The following PLEKHA8 variants were observed in gnomAD, a reference collection of about 807,000 sequenced individuals.
PLEKHA8 encodes pleckstrin homology domain-containing family A member 8.
In PLEKHA8, 36 loss-of-function variants were observed where a neutral mutation model predicts 68.2. The ratio of observed to expected loss-of-function variants is 0.53; its 90% confidence interval spans 0.40 to 0.70. The LOEUF (loss-of-function observed/expected upper bound fraction) is 0.70. PLEKHA8 is among the 30% of genes least tolerant of loss of function. The probability of loss-of-function intolerance (pLI) is 0.00; values close to 1 mark genes in which losing one functional copy is unlikely to be tolerated. For missense variants in PLEKHA8, 505 were observed against 615.4 expected, an observed-to-expected ratio of 0.82 and a Z score of 1.90; for synonymous variants, 211 against 216.1, an observed-to-expected ratio of 0.98 and a Z score of 0.20.
chr7:30,090,061 G>A lies in PLEKHA8; in HGVS notation c.1301-92G>A, dbSNP rs183845157. The A allele has an allele frequency of 7.0e-5, 92 of 1,308,414 alleles. No homozygotes were observed. In the East Asian group the frequency reaches 1.8e-3, roughly 26 times the overall value. 81.1% of individuals were successfully genotyped at this position (1,308,414 alleles called of 1,614,324 possible). On this transcript the variant is annotated intron_variant, in intron 12 of 12. Transcript: ENST00000258679. ...ATAATTGGTGACCAAAAATAAAAAG[G>A]AACTAAAAAAGTATCTGGAGATAAA... is the stretch of plus-strand genomic sequence containing the variant.
In PLEKHA8 at chr7:30,072,587, G is replaced by A. The variant is rs138804658; in HGVS notation, c.1301-1484G>A. On this transcript the variant is annotated intron_variant, in intron 12 of 13. Transcript: ENST00000449726. ...ACCTGACTTCCCTTGGCAATGTCCT[G>A]TGAACCACGTTGCTTTTCACTGCAT... is the stretch of plus-strand genomic sequence containing the variant. Among the ~76,000 whole-genome samples, 322 of 152,356 alleles carry A rather than the reference G, an allele frequency of 2.1e-3. 4 individuals carry two copies. Among genetic ancestry groups the A allele is most frequent in the Non-Finnish European group, 3.6e-3 (247 of 68,030 alleles).
rs13310981 is a variant in PLEKHA8 at position 30,115,481 on chromosome 7, C to T, written c.1363-13785C>T. Among the ~76,000 whole-genome samples, 442 of 151,536 alleles carry T rather than the reference C, an allele frequency of 2.9e-3. 2 individuals are homozygous for T. The highest frequency in any genetic ancestry group is 0.01 in the African/African-American group (431 of 41,250). ...ATGCATATGTATACACACATGTATACGTGTATGTAGACATATGTATACATA... is the reference window on the plus strand; with the variant it reads ...ATGCATATGTATACACACATGTATATGTGTATGTAGACATATGTATACATA... On this transcript the variant is annotated intron_variant, in intron 13 of 13. Transcript: ENST00000396257.
Position 30,028,448 on chromosome 7 carries a change from T to G in PLEKHA8, c.-315T>G. ...GCGCCGCCTGCGACCGGCAGCTCGTTCGCCGCACTTTGGAGGCTTCGGCTG... is the reference window on the plus strand; with the variant it reads ...GCGCCGCCTGCGACCGGCAGCTCGTGCGCCGCACTTTGGAGGCTTCGGCTG... On this transcript the variant is annotated 5_prime_UTR_variant, in exon 1 of 14. Transcript: ENST00000449726. 1 of 294,652 alleles carries G rather than the reference T, an allele frequency of 3.4e-6. No homozygotes were observed. The allele number at this position is 294,652 out of a possible 1,614,324, so 18.3% of individuals were successfully genotyped here.
chr7:30,049,689 C>T (rs1212403865), intron 5 of PLEKHA8, among the ~76,000 whole-genome samples: 14 of 152,166 alleles, frequency 9.2e-5, no homozygotes, highest in Non-Finnish European at 1.5e-5. Flanking sequence ...TCCAGTCAAC[C>T]ACATTTCTAT....
intron 13 of PLEKHA8, among the ~76,000 whole-genome samples, chr7:30,111,538 T>G (rs1796275140): frequency 6.6e-6 from 1 of 152,182 alleles, no homozygotes. Context: ...TCTGTCTTAT[T>G]TTTTAATTTT....
chr7:30,088,282 A>G (rs1040040260), downstream of PLEKHA8, among the ~76,000 whole-genome samples: 5 of 152,178 alleles, frequency 3.3e-5, no homozygotes, highest in African/African-American at 1.2e-4. Context: ...ATAGGTGCTT[A>G]TATATATCAA....
intron 1 of PLEKHA8, among the ~76,000 whole-genome samples, chr7:30,029,106 C>G (rs1248494836): frequency 1.3e-5 from 2 of 152,200 alleles, no homozygotes; most frequent in African/African-American, 4.8e-5. Context: ...GAGGAAGGCG[C>G]AGACGCCCCG....
In PLEKHA8 at chr7:30,061,881, C is replaced by T. The variant is rs994879142; in HGVS notation, c.1099-16C>T. 6.2e-7 allele frequency: 1 copy of T among 1,612,952 alleles called. No homozygotes were observed. Among genetic ancestry groups the T allele is most frequent in the Non-Finnish European group, 8.5e-7 (1 of 1,179,830 alleles). On this transcript the variant is annotated splice_polypyrimidine_tract_variant and intron_variant, in intron 10 of 13. Coordinates refer to ENST00000449726, the MANE Select transcript of PLEKHA8 (RefSeq NM_001197026.2). ...CAGCATTTTAAACTTAGGTTGTTTC[C>T]CTGCTTTCCCTCCAGAAAGTAAATC...
At chr7:30,111,863 T>A (rs1043809617) in intron 13 of PLEKHA8, among the ~76,000 whole-genome samples, 3 of 152,128 alleles carry the variant, frequency 2.0e-5, no homozygotes, top group Non-Finnish European at 4.4e-5. Context: ...GTATATATAT[T>A]TTTTAAATCC....
At chr7:30,125,690 T>G (rs1413163401) in intron 13 of PLEKHA8, among the ~76,000 whole-genome samples, 1 of 152,240 alleles carries the variant, frequency 6.6e-6, no homozygotes, top group African/African-American at 2.4e-5. Context: ...AATTTGAATT[T>G]ACTATCTCCT....
chr7:30,098,546 C>T lies in PLEKHA8; in HGVS notation c.1362+24414C>T, dbSNP rs572970354. ...CTCGGCAATGGCAGGTGCCCGTCCC[C>T]CAGCCTCGCTGCCGCCTTGCAGTTT... On this transcript the variant is annotated intron_variant, in intron 13 of 13. Transcript: ENST00000396257. Among the ~76,000 whole-genome samples the T allele has an allele frequency of 2.6e-5, 4 of 152,374 alleles. No homozygotes were observed. In the South Asian group the frequency reaches 8.3e-4, roughly 32 times the overall value.
At position 30,084,011 on chromosome 7, in the gene PLEKHA8, G is replaced by A. The variant is rs963749369; in HGVS notation, c.*5224G>A. ...GAGCCAGTTCCATGGCATGTTTAAT[G>A]TATAATTCCCATGTATCATGAGAAT... On this transcript the variant is annotated 3_prime_UTR_variant, in exon 14 of 14. Transcript: ENST00000449726. 1.4e-5 allele frequency: 14 copies of A among 985,284 alleles called. No individual in the cohort carries two copies. The African/African-American group carries it at 2.3e-4, about 16-fold the overall frequency. 61.0% of individuals were successfully genotyped at this position (985,284 alleles called of 1,614,324 possible).
At chr7:30,129,611 C>T, downstream of PLEKHA8, 1 of 366,906 alleles carries the variant, frequency 2.7e-6, no homozygotes, top group Non-Finnish European at 5.0e-6. Context: ...AAGGTCACTG[C>T]TATAAGAACT....
Position 30,116,261 on chromosome 7 carries a change from T to C in PLEKHA8, c.1363-13005T>C, listed in dbSNP as rs1004991168. Among the ~76,000 whole-genome samples, 4 of 151,522 alleles carry C rather than the reference T, an allele frequency of 2.6e-5. No homozygotes were observed. In the South Asian group the frequency reaches 8.3e-4, roughly 31 times the overall value. ...ATGCGTATACATGTACACGTATACA[T>C]GCATACATGTATGTATGTATACATG... On this transcript the variant is annotated intron_variant, in intron 13 of 13. Coordinates refer to the PLEKHA8 transcript ENST00000396257.
At chr7:30,075,723 G>T (rs1794571740) in intron 13 of PLEKHA8, among the ~76,000 whole-genome samples, 1 of 152,146 alleles carries the variant, frequency 6.6e-6, no homozygotes, top group Non-Finnish European at 1.5e-5. Flanking sequence ...AAACAAGTGT[G>T]GGGGGAAGGG....
intron 12 of PLEKHA8, among the ~76,000 whole-genome samples, chr7:30,065,502 ACCTGTAGGCT>A (rs1026380599): frequency 3.3e-5 from 5 of 151,908 alleles, no homozygotes; most frequent in Non-Finnish European, 7.4e-5. Flanking sequence ...GTTACTCAGA[ACCTGTAGGCT>A]CCTTGATGCA....
chr7:30,028,710 G>T lies in PLEKHA8; in HGVS notation c.-53G>T. 6.6e-6 allele frequency: 8 copies of T among 1,215,488 alleles called. No homozygotes were observed. The South Asian group carries it at 3.3e-4, about 51-fold the overall frequency. 75.3% of individuals were successfully genotyped at this position (1,215,488 alleles called of 1,614,324 possible). On this transcript the variant is annotated 5_prime_UTR_variant, in exon 1 of 14. Coordinates refer to ENST00000449726, the MANE Select transcript of PLEKHA8 (RefSeq NM_001197026.2). Reference sequence around the variant, plus strand: ...GCTGCTGGTGCTCCTCGCCTCTTGGGGCCTGGGGCAGTGAGGGGGCCGGCG... The same window carrying T: ...GCTGCTGGTGCTCCTCGCCTCTTGGTGCCTGGGGCAGTGAGGGGGCCGGCG...
In PLEKHA8 at chr7:30,034,015, T is replaced by C. The variant is rs1442444683; in HGVS notation, c.40+5213T>C. On this transcript the variant is annotated intron_variant, in intron 1 of 13. Coordinates refer to ENST00000449726, the MANE Select transcript of PLEKHA8 (RefSeq NM_001197026.2). ...TACAGAGTTGTAAGAGGTTTCTTTT[T>C]TTTTTTTTTTTTTTTTTTTTTTTTT... is the stretch of plus-strand genomic sequence containing the variant. Among the ~76,000 whole-genome samples the C allele has an allele frequency of 1.6e-4, 14 of 85,678 alleles. No individual in the cohort carries two copies. In the East Asian group the frequency reaches 3.2e-3, roughly 20 times the overall value. The allele number at this position is 85,678 out of a possible 152,430, so 56.2% of individuals were successfully genotyped here. A position where few individuals can be genotyped will look rare whatever the true frequency, so the allele number is the denominator to read the frequency against.
intron 1 of PLEKHA8, among the ~76,000 whole-genome samples, chr7:30,031,902 GAGAAA>G (rs1488122824): frequency 1.3e-5 from 2 of 151,996 alleles, no homozygotes; most frequent in African/African-American, 4.8e-5. Context: ...ATTTCTAGAA[GAGAAA>G]AGAAGTCTCT....
Sources: allele counts gnomAD v4.1 joint callset (sites outside exome capture counted in the v4.1 genomes callset), GRCh38; gene constraint gnomAD v4.1.1; transcripts MANE v1.5; gene names NCBI Gene and HGNC (gene_info 2026-07-23, HGNC 2026-07-21).